The following TMEM266 variants were observed in gnomAD, a reference collection of about 807,000 sequenced individuals.
TMEM266 encodes the protein transmembrane protein 266.
TMEM266 carries 33 observed loss-of-function variants against 50.5 expected under a neutral mutation model. That is an observed-to-expected ratio of 0.65 (90% CI 0.50 to 0.87). TMEM266 has a LOEUF of 0.87. TMEM266 is among the 40% of genes least tolerant of loss of function. The pLI is 0.00. For missense variants in TMEM266, 655 were observed against 695.1 expected (o/e 0.94, Z 0.65); for synonymous variants, 310 against 292.3 (o/e 1.06, Z -0.62).
chr15:76,198,994 G>A (rs1049923708), intron 9 of TMEM266, among the ~76,000 whole-genome samples: 2 of 93,604 alleles, frequency 2.1e-5, no homozygotes, highest in African/African-American at 3.1e-5. Context: ...TAGGGACCTC[G>A]GCTCTGTGTC....
intron 3 of TMEM266, among the ~76,000 whole-genome samples, chr15:76,146,547 A>T (rs576624065): frequency 1.2e-4 from 19 of 152,316 alleles, no homozygotes; most frequent in African/African-American, 4.6e-4. Context: ...CAAACTTTAC[A>T]TTCAGAGGAA....
At chr15:76,109,741 G>A (rs2037139308) in intron 1 of TMEM266, among the ~76,000 whole-genome samples, 2 of 136,256 alleles carry the variant, frequency 1.5e-5, no homozygotes. Flanking sequence ...ACAGGATCTT[G>A]CTCTGTTGCC....
rs71140194 is a variant in TMEM266 at position 76,075,837 on chromosome 15, C to CTTTTTT, written c.-97+15853_-97+15858dup. Among the ~76,000 whole-genome samples the CTTTTTT allele has an allele frequency of 1.5e-3, 36 of 23,596 alleles. 15 individuals carry two copies. The highest frequency in any genetic ancestry group is 2.9e-3 in the Non-Finnish European group (32 of 11,154). 15.5% of individuals were successfully genotyped at this position (23,596 alleles called of 152,430 possible). On this transcript the variant is annotated intron_variant, in intron 1 of 10. Coordinates refer to ENST00000388942, the MANE Select transcript of TMEM266 (RefSeq NM_152335.3). ...CTGGAGGAGAATGAAGAGAAGGCAG[C>CTTTTTT]TTTTTTTTTTTTTTTTTTTTTTTTT... is the stretch of plus-strand genomic sequence containing the variant.
chr15:76,182,620 G>T (rs796129276), intron 8 of TMEM266, among the ~76,000 whole-genome samples: 8 of 152,218 alleles, frequency 5.3e-5, no homozygotes, highest in African/African-American at 1.9e-4. Flanking sequence ...CTCCAGCCTG[G>T]GTGACAGAGC....
At position 76,175,687 on chromosome 15, in the gene TMEM266, C is replaced by T. The variant is rs376566174; in HGVS notation, c.768+13C>T. ...TCAGGAGCAAGGGGTAATGCACTGC[C>T]ACTTTCGGCTCTGTCCGTGGTCTTG... On this transcript the variant is annotated intron_variant, in intron 8 of 10. Coordinates refer to ENST00000388942, the MANE Select transcript of TMEM266 (RefSeq NM_152335.3). The T allele has an allele frequency of 5.3e-5, 85 of 1,605,924 alleles. No homozygotes were observed. The African/African-American group carries it at 1.1e-3, about 20-fold the overall frequency.
At position 76,203,999 on chromosome 15, in the gene TMEM266, C is replaced by T. The variant is rs937733; in HGVS notation, c.1280C>T (p.Pro427Leu). The T allele has an allele frequency of 0.29, 470,601 of 1,607,580 alleles. 73,593 individuals are homozygous for T. Among genetic ancestry groups the T allele is most frequent in the East Asian group, 0.56 (25,155 of 44,640 alleles). Residue 427 changes from proline (P) to leucine (L), a missense_variant, in exon 11 of 11, where the codon CCG becomes CTG. By Grantham distance (98) the Pro-to-Leu change is moderately conservative. Around this residue, in one of 3 missense-constraint regions of TMEM266, gnomAD observed 455 missense variants for 401.8 expected, o/e 1.13. Transcript: ENST00000388942. ...TCCTCTGAGCCCGGCCCTTCTCCCC[C>T]GCCGCTGCCATCCCAGCAGCAGGTG...
At chr15:76,146,276 T>A (rs2037753862) in intron 3 of TMEM266, among the ~76,000 whole-genome samples, 1 of 152,160 alleles carries the variant, frequency 6.6e-6, no homozygotes, top group South Asian at 2.1e-4. Context: ...ATGCTCCCCA[T>A]CTTTTTAGTG....
At chr15:76,162,291 G>A (rs755467719) in intron 5 of TMEM266, among the ~76,000 whole-genome samples, 1 of 152,216 alleles carries the variant, frequency 6.6e-6, no homozygotes, top group Admixed American at 6.5e-5. Context: ...CATGGAGATC[G>A]AGTGACGAAT....
chr15:76,158,609 T>C (rs904339968), intron 4 of TMEM266, among the ~76,000 whole-genome samples: 16 of 152,180 alleles, frequency 1.1e-4, no homozygotes, highest in African/African-American at 3.6e-4. Context: ...ATAAAAGGCA[T>C]CTTAAATTCC....
intron 1 of TMEM266, among the ~76,000 whole-genome samples, chr15:76,120,680 G>T (rs143827385): frequency 0.026 from 3,732 of 145,198 alleles, 162 homozygotes; most frequent in African/African-American, 0.091. Flanking sequence ...AGAATTGCTT[G>T]AACCTGAGAG....
intron 5 of TMEM266, 115 bp from the exon 6 acceptor site, chr15:76,169,701 G>A (rs547042648): frequency 7.8e-5 from 93 of 1,187,008 alleles, no homozygotes; most frequent in South Asian, 1.8e-4. Context: ...AGTGGATGGC[G>A]GAGACCTTTT....
At chr15:76,151,465 A>G (rs58555930) in intron 3 of TMEM266, among the ~76,000 whole-genome samples, 14,168 of 151,296 alleles carry the variant, frequency 0.094, 973 homozygotes, top group Admixed American at 0.21. Flanking sequence ...CCCACCCTCC[A>G]GGGCCCTGTT....
At position 76,202,133 on chromosome 15, in the gene TMEM266, G is replaced by A. The variant is rs1024811042; in HGVS notation, c.959-69G>A. ...TGCCTTCTCTTGTGACCGTGGGGGT[G>A]GGGACAGGAGTATAAGGGGTAGAGA... is the stretch of plus-strand genomic sequence containing the variant. On this transcript the variant is annotated intron_variant, in intron 9 of 10. Coordinates refer to ENST00000388942, the MANE Select transcript of TMEM266 (RefSeq NM_152335.3). The A allele has an allele frequency of 3.1e-5, 42 of 1,335,110 alleles. No homozygotes were observed. In the South Asian group the frequency reaches 5.3e-4, roughly 17 times the overall value. The allele number at this position is 1,335,110 out of a possible 1,614,324, so 82.7% of individuals were successfully genotyped here.
chr15:76,077,654 A>C (rs575824911), intron 1 of TMEM266, among the ~76,000 whole-genome samples: 11 of 152,190 alleles, frequency 7.2e-5, no homozygotes, highest in African/African-American at 2.7e-4. Context: ...TGTGGCAGCA[A>C]CGTGACCGTG....
intron 1 of TMEM266, among the ~76,000 whole-genome samples, chr15:76,132,221 G>C (rs1256626712): frequency 6.6e-6 from 1 of 151,376 alleles, no homozygotes; most frequent in Non-Finnish European, 1.5e-5. Context: ...CAATTCTCCT[G>C]CCTCAGCCTC....
At chr15:76,169,689 T>A in intron 5 of TMEM266, 127 bp from the exon 6 acceptor site, 1 of 1,062,776 alleles carries the variant, frequency 9.4e-7, no homozygotes, top group Non-Finnish European at 1.4e-6. Context: ...CAAGGAATGC[T>A]TAGTGGATGG....
chr15:76,182,357 T>C (rs1019190195), intron 8 of TMEM266, among the ~76,000 whole-genome samples: 4 of 151,096 alleles, frequency 2.6e-5, no homozygotes, highest in African/African-American at 9.8e-5. Context: ...AAGAGAGAGG[T>C]CGGGTGCGGT....
chr15:76,166,654 C>G (rs1423610371), intron 5 of TMEM266, among the ~76,000 whole-genome samples: 2 of 152,214 alleles, frequency 1.3e-5, no homozygotes, highest in African/African-American at 2.4e-5. Context: ...GGCCGGCTCC[C>G]TCCACCCCTC....
At position 76,194,955 on chromosome 15, in the gene TMEM266, A is replaced by T. The variant is rs549854174; in HGVS notation, c.958+2798A>T. 2.0e-3 allele frequency among the ~76,000 whole-genome samples: 300 copies of T among 152,254 alleles called. 2 individuals carry two copies. The highest frequency in any genetic ancestry group is 6.7e-3 in the African/African-American group (278 of 41,558). On this transcript the variant is annotated intron_variant, in intron 9 of 10. Transcript: ENST00000388942. ...AGGGGGCAGGCACATAAGACCCCTGACGATCTTGCCCCGGGCTGCTTCCCC... is the reference window on the plus strand; with the variant it reads ...AGGGGGCAGGCACATAAGACCCCTGTCGATCTTGCCCCGGGCTGCTTCCCC...
Sources: gnomAD v4.1 joint callset for allele counts (sites outside exome capture counted in the v4.1 genomes callset) on GRCh38, gnomAD v4.1.1 for gene constraint, gnomAD v4.1.1 regional missense constraint, MANE v1.5 for transcripts, NCBI Gene and HGNC (gene_info 2026-07-23, HGNC 2026-07-21) for gene names.